Variants in NEDD4L observed in about 807,000 individuals in gnomAD.
NEDD4L encodes the protein NEDD4 like E3 ubiquitin protein ligase.
Under a neutral mutation model 148.9 loss-of-function variants are expected in NEDD4L, and 54 were observed. The ratio of observed to expected loss-of-function variants is 0.36; its 90% CI spans 0.29 to 0.45. NEDD4L has a LOEUF of 0.45. Among genes scored for constraint, NEDD4L ranks in the 20% least tolerant of loss-of-function variants. NEDD4L has a pLI of 1.00. For missense variants in NEDD4L, 856 were observed against 1,233.8 expected, an observed-to-expected ratio of 0.69 and a Z score of 4.59; for synonymous variants, 433 against 440.7, an observed-to-expected ratio of 0.98 and a Z score of 0.22.
rs2059747219 is a variant in NEDD4L at position 58,331,031 on chromosome 18, T to C, written c.990+117T>C. 9.9e-6 allele frequency: 10 copies of C among 1,014,318 alleles called. No homozygotes were observed. In the South Asian group the frequency reaches 1.5e-4, roughly 16 times the overall value. The allele number at this position is 1,014,318 out of a possible 1,614,324, so 62.8% of individuals were successfully genotyped here. A position where few individuals can be genotyped will look rare whatever the true frequency, so the allele number is the denominator to read the frequency against. ...GGGTCTTCCAGCTCCCAGCTAACTC[T>C]GACATTTTCCAAAGTTCCTCCTTCC... On this transcript the variant is annotated intron_variant, in intron 11 of 30. Transcript: ENST00000400345.
At chr18:58,048,776 C>T (rs1322396320) in intron 1 of NEDD4L, among the ~76,000 whole-genome samples, 1 of 152,128 alleles carries the variant, frequency 6.6e-6, no homozygotes, top group Non-Finnish European at 1.5e-5. Flanking sequence ...CACATTCTAA[C>T]CTAGTTACAG....
In NEDD4L at chr18:58,397,247, T is replaced by C. The variant is rs2050553922; in HGVS notation, c.*978T>C. On this transcript the variant is annotated 3_prime_UTR_variant, in exon 31 of 31. Transcript: ENST00000400345. The stretch of plus-strand genomic sequence containing the variant: ...TGGAAACCAGATCTGTTTAGTCTCC[T>C]GTTTGTATGCGTTTGCTAATGGTAG... 6.5e-6 allele frequency: 1 copy of C among 152,688 alleles called. No homozygotes were observed. Among genetic ancestry groups the C allele is most frequent in the South Asian group, 2.1e-4 (1 of 4,834 alleles). 9.5% of individuals were successfully genotyped at this position (152,688 alleles called of 1,614,324 possible).
At position 58,120,720 on chromosome 18, in the gene NEDD4L, C is replaced by T. The variant is rs147832142; in HGVS notation, c.49-45068C>T. On this transcript the variant is annotated intron_variant, in intron 1 of 30. Transcript: ENST00000400345. Reference sequence around the variant, plus strand: ...GCATGAACCTGGGAGGCGGAGCTTGCGGTGAGCCGAGATCACGCCACTGCA... The same window carrying T: ...GCATGAACCTGGGAGGCGGAGCTTGTGGTGAGCCGAGATCACGCCACTGCA... Among the ~76,000 whole-genome samples the T allele has an allele frequency of 7.5e-3, 1,144 of 152,236 alleles. 16 individuals carry two copies. The highest frequency in any genetic ancestry group is 0.026 in the African/African-American group (1,099 of 41,520).
intron 3 of NEDD4L, among the ~76,000 whole-genome samples, chr18:58,246,496 C>T (rs2047277440): frequency 6.6e-6 from 1 of 152,122 alleles, no homozygotes; most frequent in African/African-American, 2.4e-5. Flanking sequence ...TGGAGTGTCA[C>T]TCTGTCCACC....
intron 26 of NEDD4L, 109 bp downstream of exon 26, chr18:58,385,695 G>A (rs537633803): frequency 4.8e-5 from 42 of 875,708 alleles, no homozygotes; most frequent in African/African-American, 4.3e-4. Context: ...AGACAGAGGC[G>A]AGGCTGGGGA....
intron 15 of NEDD4L, 42 bp from the exon 16 acceptor site, chr18:58,342,864 C>T (rs372604391): frequency 1.9e-5 from 27 of 1,452,478 alleles, no homozygotes; most frequent in Admixed American, 1.8e-4. Context: ...ACATTGGAAT[C>T]GCACATGCTA....
At chr18:58,137,865 C>CT (rs897255056) in intron 1 of NEDD4L, among the ~76,000 whole-genome samples, 1 of 152,204 alleles carries the variant, frequency 6.6e-6, no homozygotes, top group African/African-American at 2.4e-5. Context: ...TCCTGCCCAG[C>CT]TTTGTCTTTT....
chr18:58,277,820 T>C (rs887039267), intron 5 of NEDD4L, among the ~76,000 whole-genome samples: 3 of 152,226 alleles, frequency 2.0e-5, no homozygotes, highest in African/African-American at 7.2e-5. Context: ...TAGAAATGTA[T>C]TGGCATGTTC....
At chr18:58,101,267 T>C (rs2084737155) in intron 1 of NEDD4L, among the ~76,000 whole-genome samples, 1 of 152,148 alleles carries the variant, frequency 6.6e-6, no homozygotes, top group African/African-American at 2.4e-5. Flanking sequence ...CTTAGATAAG[T>C]GGAGTCGAAC....
intron 1 of NEDD4L, among the ~76,000 whole-genome samples, chr18:58,130,930 G>A (rs1046062656): frequency 6.8e-6 from 1 of 147,092 alleles, no homozygotes; most frequent in African/African-American, 2.5e-5. Context: ...GGTGGTGTTG[G>A]GCTCTGTTGG....
chr18:58,146,521 G>T (rs1017766986), intron 1 of NEDD4L, among the ~76,000 whole-genome samples: 2 of 152,156 alleles, frequency 1.3e-5, no homozygotes, highest in Admixed American at 6.5e-5. Context: ...TAATAAGGAG[G>T]ACTCTTCATG....
chr18:58,058,822 T>C (rs1255233374), intron 1 of NEDD4L, among the ~76,000 whole-genome samples: 1 of 152,198 alleles, frequency 6.6e-6, no homozygotes, highest in East Asian at 1.9e-4. Context: ...TTACTTCTAC[T>C]GAATACTTCA....
intron 2 of NEDD4L, among the ~76,000 whole-genome samples, chr18:58,227,461 G>A (rs1175692233): frequency 2.0e-5 from 3 of 152,168 alleles, no homozygotes; most frequent in Non-Finnish European, 4.4e-5. Context: ...TGAGTTGTCT[G>A]CAGGTCACCT....
At chr18:58,315,101 G>A (rs981591728) in intron 5 of NEDD4L, among the ~76,000 whole-genome samples, 1 of 152,250 alleles carries the variant, frequency 6.6e-6, no homozygotes, top group African/African-American at 2.4e-5. Flanking sequence ...CAGCTTTTAC[G>A]CATTTTGAAT....
intron 1 of NEDD4L, among the ~76,000 whole-genome samples, chr18:58,098,829 G>A (rs752514077): frequency 6.6e-6 from 1 of 152,166 alleles, no homozygotes; most frequent in African/African-American, 2.4e-5. Context: ...TTTTGAAAAT[G>A]TATCAAATTG....
intron 5 of NEDD4L, among the ~76,000 whole-genome samples, chr18:58,286,213 C>T (rs2053883743): frequency 1.3e-5 from 2 of 152,310 alleles, no homozygotes; most frequent in East Asian, 1.9e-4. Flanking sequence ...ATGAGCACTG[C>T]AAACATTTGA....
At chr18:58,125,476 A>G (rs976137973) in intron 1 of NEDD4L, among the ~76,000 whole-genome samples, 1 of 152,130 alleles carries the variant, frequency 6.6e-6, no homozygotes, top group Non-Finnish European at 1.5e-5. Flanking sequence ...TGGAATAGTC[A>G]GAGCGATGTG....
chr18:58,107,238 G>T (rs529805875), intron 1 of NEDD4L, among the ~76,000 whole-genome samples: 1 of 152,186 alleles, frequency 6.6e-6, no homozygotes, highest in Non-Finnish European at 1.5e-5. Context: ...ACACTCCGAG[G>T]TACTGGGGAT....
chr18:58,143,892 TG>T (rs1172911039), intron 1 of NEDD4L, among the ~76,000 whole-genome samples: 2 of 152,166 alleles, frequency 1.3e-5, no homozygotes, highest in Non-Finnish European at 2.9e-5. Context: ...TATATAGAAA[TG>T]GGCATTTTCC....
Sources: gnomAD v4.1 joint callset for allele counts (sites outside exome capture counted in the v4.1 genomes callset) on GRCh38, gnomAD v4.1.1 for gene constraint, MANE v1.5 for transcripts, NCBI Gene and HGNC (gene_info 2026-07-23, HGNC 2026-07-21) for gene names.